Variants in USP25 observed in about 807,000 individuals in gnomAD.
The protein encoded by USP25 is ubiquitin carboxyl-terminal hydrolase 25.
Under a neutral mutation model 158.5 loss-of-function variants are expected in USP25, and 85 were observed. The ratio of observed to expected loss-of-function variants is 0.54; its 90% confidence interval spans 0.45 to 0.64. The LOEUF (loss-of-function observed/expected upper bound fraction) is 0.64, where lower values mean the gene tolerates loss of function less well. Among genes scored for constraint, USP25 ranks in the 30% least tolerant of loss-of-function variants. The pLI is 0.00. For synonymous variants in USP25, 464 were observed against 460.4 expected, an observed-to-expected ratio of 1.01 and a Z score of -0.10; for missense variants, 1,242 against 1,327.3, an observed-to-expected ratio of 0.94 and a Z score of 1.00.
At chr21:15,854,718 C>T (rs949504308) in intron 20 of USP25, among the ~76,000 whole-genome samples, 1 of 152,066 alleles carries the variant, frequency 6.6e-6, no homozygotes, top group South Asian at 2.1e-4. Flanking sequence ...AGTTTAACCT[C>T]CGAATTAGGA....
chr21:15,868,723 G>GT (rs1293685060), intron 22 of USP25, among the ~76,000 whole-genome samples: 1 of 152,122 alleles, frequency 6.6e-6, no homozygotes, highest in Non-Finnish European at 1.5e-5. Flanking sequence ...TCACACTGCA[G>GT]TTACAGAGTT....
chr21:15,818,335 G>GT (rs1359903464), intron 9 of USP25, among the ~76,000 whole-genome samples: 5 of 152,212 alleles, frequency 3.3e-5, no homozygotes, highest in East Asian at 1.9e-4. Flanking sequence ...TGGGTATAAT[G>GT]TTTTTTAAAT....
At chr21:15,730,523 G>A in intron 1 of USP25, 85 bp downstream of exon 1, 2 of 1,262,770 alleles carry the variant, frequency 1.6e-6, no homozygotes, top group Non-Finnish European at 2.0e-6. Flanking sequence ...CCCCGGCCTC[G>A]CCGCCGCCGC....
intron 1 of USP25, among the ~76,000 whole-genome samples, chr21:15,748,454 G>GTTTTTTT (rs71331787): frequency 7.6e-5 from 6 of 78,994 alleles, no homozygotes; most frequent in Admixed American, 1.4e-4. Flanking sequence ...CTACTTTTTA[G>GTTTTTTT]TTTTTTTTTT....
chr21:15,877,360 A>T (rs549970065), intron 24 of USP25: 125 of 152,730 alleles, frequency 8.2e-4, no homozygotes, highest in Middle Eastern at 3.4e-3. Context: ...ATATTTCTGT[A>T]TCAAGGAATA....
intron 22 of USP25, among the ~76,000 whole-genome samples, chr21:15,866,914 A>C (rs1006841955): frequency 1.3e-4 from 20 of 152,160 alleles, no homozygotes; most frequent in African/African-American, 4.8e-4. Flanking sequence ...CTACATTCTT[A>C]ACTGTTGCAC....
At chr21:15,797,693 C>T (rs762037325) in intron 5 of USP25, among the ~76,000 whole-genome samples, 1 of 151,230 alleles carries the variant, frequency 6.6e-6, no homozygotes, top group Non-Finnish European at 1.5e-5. Flanking sequence ...ATTCTCTTTC[C>T]TCTTTAAATT....
rs570111342 is a variant in USP25 at position 15,788,555 on chromosome 21, G to A, written c.393-2947G>A. ...ATTGGAGACACTGGTTGATATTTTT[G>A]GCACAGTGTTAAGTGTGTTTATTAA... On this transcript the variant is annotated intron_variant, in intron 4 of 25. Coordinates refer to ENST00000400183, the MANE Select transcript of USP25 (RefSeq NM_001283041.3). Among the ~76,000 whole-genome samples, 6 of 152,194 alleles carry A rather than the reference G, an allele frequency of 3.9e-5. No individual in the cohort carries two copies. The East Asian group carries it at 1.2e-3, about 29-fold the overall frequency.
intron 17 of USP25, among the ~76,000 whole-genome samples, chr21:15,836,917 G>A (rs1045335147): frequency 4.7e-5 from 7 of 149,538 alleles, no homozygotes; most frequent in Admixed American, 1.3e-4. Flanking sequence ...TTTGCTGTCA[G>A]TGTAGGGAAC....
chr21:15,780,761 T>A (rs1460554817), intron 4 of USP25, among the ~76,000 whole-genome samples: 1 of 152,238 alleles, frequency 6.6e-6, no homozygotes, highest in African/African-American at 2.4e-5. Context: ...GTATAACTCC[T>A]ACATTTTTTA....
intron 4 of USP25, among the ~76,000 whole-genome samples, chr21:15,789,167 A>G (rs530569540): frequency 7.0e-4 from 107 of 152,224 alleles, no homozygotes; most frequent in African/African-American, 2.5e-3. Context: ...CAGTATATCA[A>G]TGTGATGTTT....
chr21:15,804,434 T>C (rs2146266665), intron 6 of USP25, among the ~76,000 whole-genome samples: 1 of 151,604 alleles, frequency 6.6e-6, no homozygotes, highest in East Asian at 1.9e-4. Context: ...TAATGTTCGA[T>C]AACTTTAGAT....
intron 1 of USP25, among the ~76,000 whole-genome samples, chr21:15,758,618 C>A (rs2033538683): frequency 6.6e-6 from 1 of 152,030 alleles, no homozygotes; most frequent in Admixed American, 6.6e-5. Context: ...TTAGTCTGTT[C>A]TCATGCTGCT....
intron 14 of USP25, 122 bp from the exon 15 acceptor site, chr21:15,830,409 A>G: frequency 1.4e-6 from 1 of 696,590 alleles, no homozygotes; most frequent in Non-Finnish European, 2.3e-6. Flanking sequence ...AATGTTTTTT[A>G]AGAAAAGTTT....
intron 5 of USP25, among the ~76,000 whole-genome samples, chr21:15,799,192 C>CA (rs1164997673): frequency 6.6e-6 from 1 of 151,162 alleles, no homozygotes; most frequent in Non-Finnish European, 1.5e-5. Context: ...GAAGCCTTTC[C>CA]ATGGGCATCC....
At chr21:15,824,261 T>A in intron 11 of USP25, 95 bp downstream of exon 11, 1 of 1,459,006 alleles carries the variant, frequency 6.9e-7, no homozygotes, top group Non-Finnish European at 9.3e-7. Flanking sequence ...TTCTTAGAAT[T>A]AATTTCTACT....
chr21:15,866,048 T>A, intron 21 of USP25, among the ~76,000 whole-genome samples: 1 of 152,090 alleles, frequency 6.6e-6, no homozygotes, highest in South Asian at 2.1e-4. Context: ...TACAACACAG[T>A]AAATTTGAAT....
At chr21:15,791,691 T>TA (rs1168097521) in intron 5 of USP25, 27 bp downstream of exon 5, 1 of 1,590,248 alleles carries the variant, frequency 6.3e-7, no homozygotes, top group Admixed American at 1.7e-5. Flanking sequence ...ATTCAGTTCT[T>TA]ATTTGATGTG....
intron 17 of USP25, among the ~76,000 whole-genome samples, chr21:15,838,704 G>A (rs1172533644): frequency 6.6e-6 from 1 of 152,088 alleles, no homozygotes; most frequent in African/African-American, 2.4e-5. Context: ...CAGTGTGAAC[G>A]TAATAAGTAT....
Sources: allele counts gnomAD v4.1 joint callset (sites outside exome capture counted in the v4.1 genomes callset), GRCh38; gene constraint gnomAD v4.1.1; transcripts MANE v1.5; gene names NCBI Gene and HGNC (gene_info 2026-07-23, HGNC 2026-07-21).